The following KIRREL3 variants were observed in gnomAD, a reference collection of about 807,000 sequenced individuals.
The protein encoded by KIRREL3 is kirre like nephrin family adhesion molecule 3.
Under a neutral mutation model 89.7 loss-of-function variants are expected in KIRREL3, and 36 were observed. The ratio of observed to expected loss-of-function variants is 0.40; its 90% CI spans 0.31 to 0.53. The LOEUF (loss-of-function observed/expected upper bound fraction) is 0.53. KIRREL3 is among the 20% of genes least tolerant of loss of function. The probability of loss-of-function intolerance (pLI) is 0.49; values close to 1 mark genes in which losing one functional copy is unlikely to be tolerated. For synonymous variants in KIRREL3, 445 were observed against 441.4 expected, an observed-to-expected ratio of 1.01 and a Z score of -0.10; for missense variants, 864 against 1,056.6, an observed-to-expected ratio of 0.82 and a Z score of 2.53.
intron 1 of KIRREL3, among the ~76,000 whole-genome samples, chr11:126,873,769 A>T (rs552061174): frequency 1.3e-5 from 2 of 152,198 alleles, no homozygotes; most frequent in Admixed American, 1.3e-4. Context: ...GAGCAACAGT[A>T]TCCCTCACTT....
At chr11:126,478,622 T>TGC (rs201339394) in intron 4 of KIRREL3, among the ~76,000 whole-genome samples, 3 of 149,278 alleles carry the variant, frequency 2.0e-5, no homozygotes, top group Non-Finnish European at 4.4e-5. Flanking sequence ...TATGTGTGTA[T>TGC]GTGTGTATGC....
At position 126,530,115 on chromosome 11, in the gene KIRREL3, T is replaced by C. The variant is rs1958897643; in HGVS notation, c.134-3428A>G. 6.6e-6 allele frequency among the ~76,000 whole-genome samples: 1 copy of C among 152,158 alleles called. No homozygotes were observed. The highest frequency in any genetic ancestry group is 2.1e-4 in the South Asian group (1 of 4,824). ...CTTTCTTTTCTTTTGAGACTGAGTCTCACTCTGTCGCCCAGGCTGGAGTTC... is the reference window on the plus strand; with the variant it reads ...CTTTCTTTTCTTTTGAGACTGAGTCCCACTCTGTCGCCCAGGCTGGAGTTC... On this transcript the variant is annotated intron_variant, in intron 2 of 16. Coordinates refer to ENST00000525144, the MANE Select transcript of KIRREL3 (RefSeq NM_032531.4). This position sits in a 1 kb window ranked among gnomAD's most constrained non-coding sequence, Gnocchi z 5.8.
intron 6 of KIRREL3, among the ~76,000 whole-genome samples, chr11:126,457,901 C>T (rs1956425069): frequency 6.6e-6 from 1 of 152,148 alleles, no homozygotes; most frequent in Admixed American, 6.5e-5. Context: ...AGCAGAGAGA[C>T]AGAGAGGTGG....
Position 126,829,889 on chromosome 11 carries a change from G to T in KIRREL3, c.55+170566C>A, listed in dbSNP as rs1409729457. ...GTAGAGGGAGGTTTTCAGAAGACTGGATTTGCCAAGAAAGGCTGTTGGGAG... is the reference window on the plus strand; with the variant it reads ...GTAGAGGGAGGTTTTCAGAAGACTGTATTTGCCAAGAAAGGCTGTTGGGAG... On this transcript the variant is annotated intron_variant, in intron 1 of 16. Transcript: ENST00000525144. 2.0e-5 allele frequency among the ~76,000 whole-genome samples: 3 copies of T among 152,194 alleles called. No individual in the cohort carries two copies. The East Asian group carries it at 5.8e-4, about 29-fold the overall frequency.
At chr11:126,442,336 ACACACACACACACACAC>A (rs1955608445) in intron 10 of KIRREL3, among the ~76,000 whole-genome samples, 4 of 118,372 alleles carry the variant, frequency 3.4e-5, no homozygotes, top group Non-Finnish European at 5.4e-5. Flanking sequence ...ACACACACAC[ACACACACACACACACAC>A]AAAACCTTTT....
chr11:126,800,053 G>A (rs570791272), intron 1 of KIRREL3, among the ~76,000 whole-genome samples: 1 of 152,310 alleles, frequency 6.6e-6, no homozygotes, highest in Non-Finnish European at 1.5e-5. Flanking sequence ...AACCAAAGTT[G>A]AGGACCATTC....
intron 1 of KIRREL3, among the ~76,000 whole-genome samples, chr11:126,862,007 C>T (rs900046658): frequency 6.6e-6 from 1 of 152,256 alleles, no homozygotes; most frequent in Non-Finnish European, 1.5e-5. Flanking sequence ...AGGACCTCTC[C>T]AGCTCTGCCC....
chr11:126,550,027 T>G lies in KIRREL3; in HGVS notation c.133+12808A>C, dbSNP rs530527065. The G allele has an allele frequency of 6.6e-6, 1 of 152,350 alleles. No individual in the cohort carries two copies. Among genetic ancestry groups the G allele is most frequent in the East Asian group, 1.9e-4 (1 of 5,188 alleles). The allele number at this position is 152,350 out of a possible 1,614,324, so 9.4% of individuals were successfully genotyped here. On this transcript the variant is annotated intron_variant, in intron 2 of 16. Coordinates refer to ENST00000525144, the MANE Select transcript of KIRREL3 (RefSeq NM_032531.4). The surrounding 1 kb of genome is among the most constrained non-coding windows in gnomAD (Gnocchi z 4.9). ...CTCCTTCTCTGTTTCCAATAGCTAC[T>G]TATTCATACCCGGTTACCGCAACTG...
chr11:126,691,679 G>C (rs1194686650), intron 1 of KIRREL3, among the ~76,000 whole-genome samples: 1 of 152,184 alleles, frequency 6.6e-6, no homozygotes, highest in African/African-American at 2.4e-5. Flanking sequence ...TAAGATTCGA[G>C]AAAGTGCTTA....
intron 1 of KIRREL3, among the ~76,000 whole-genome samples, chr11:126,930,341 A>C (rs1281459487): frequency 6.6e-6 from 1 of 151,954 alleles, no homozygotes; most frequent in Non-Finnish European, 1.5e-5. Context: ...CCTCTCTCCC[A>C]CCATTCTTTG....
intron 1 of KIRREL3, among the ~76,000 whole-genome samples, chr11:126,804,731 G>T (rs1237451195): frequency 6.6e-6 from 1 of 152,106 alleles, no homozygotes; most frequent in African/African-American, 2.4e-5. Flanking sequence ...GTGTTCGTAG[G>T]CTGAAAGTAA....
intron 1 of KIRREL3, among the ~76,000 whole-genome samples, chr11:126,741,871 G>T (rs1948997951): frequency 6.6e-6 from 1 of 152,244 alleles, no homozygotes; most frequent in African/African-American, 2.4e-5. Context: ...GCCTAGGAAA[G>T]TTCAATGGCT....
rs1957461116 is a variant in KIRREL3 at position 126,489,840 on chromosome 11, G to A, written c.434-16374C>T. ...CATGGAAAGTGTGTTGTTCATGGCG[G>A]ATCCTCTATCAAAAAACAGGATGGT... On this transcript the variant is annotated intron_variant, in intron 4 of 16. Coordinates refer to ENST00000525144, the MANE Select transcript of KIRREL3 (RefSeq NM_032531.4). This position sits in a 1 kb window ranked among gnomAD's most constrained non-coding sequence, Gnocchi z 5.5. 1.3e-5 allele frequency among the ~76,000 whole-genome samples: 2 copies of A among 152,158 alleles called. No individual in the cohort carries two copies. The highest frequency in any genetic ancestry group is 2.4e-5 in the African/African-American group (1 of 41,432).
At chr11:126,649,258 A>T (rs1591876102) in intron 1 of KIRREL3, among the ~76,000 whole-genome samples, 1 of 152,170 alleles carries the variant, frequency 6.6e-6, no homozygotes, top group East Asian at 1.9e-4. Flanking sequence ...AAACCATATC[A>T]TTCTGCTCCT....
intron 1 of KIRREL3, among the ~76,000 whole-genome samples, chr11:126,660,405 A>G (rs1318168898): frequency 6.6e-6 from 1 of 152,242 alleles, no homozygotes; most frequent in Non-Finnish European, 1.5e-5. Context: ...GTTCACACTG[A>G]CGTGCATTGC....
intron 1 of KIRREL3, among the ~76,000 whole-genome samples, chr11:126,907,145 T>C (rs866476182): frequency 3.3e-5 from 5 of 152,154 alleles, no homozygotes; most frequent in African/African-American, 1.2e-4. Flanking sequence ...GGTTAAGATA[T>C]GAAACTACCT....
Position 126,709,195 on chromosome 11 carries a change from G to C in KIRREL3, c.56-146283C>G, listed in dbSNP as rs1164094844. Among the ~76,000 whole-genome samples the C allele has an allele frequency of 6.6e-6, 1 of 152,206 alleles. No individual in the cohort carries two copies. Among genetic ancestry groups the C allele is most frequent in the Non-Finnish European group, 1.5e-5 (1 of 68,036 alleles). On this transcript the variant is annotated intron_variant, in intron 1 of 16. Transcript: ENST00000525144. This position sits in a 1 kb window ranked among gnomAD's most constrained non-coding sequence, Gnocchi z 4.0. Reference sequence around the variant, plus strand: ...TGTTTGATTATCCTTAAGCAAAAAGGTCAAGAAATTATTAGATCAATTTCA... The same window carrying C: ...TGTTTGATTATCCTTAAGCAAAAAGCTCAAGAAATTATTAGATCAATTTCA...
chr11:126,701,865 G>A (rs142531512), intron 1 of KIRREL3, among the ~76,000 whole-genome samples: 4 of 152,298 alleles, frequency 2.6e-5, no homozygotes, highest in Non-Finnish European at 5.9e-5. Flanking sequence ...GAGGTGCCAT[G>A]AAAGATTTTT....
In KIRREL3 at chr11:126,462,776, C is replaced by T. The variant is rs377229665; in HGVS notation, c.742+381G>A. Among the ~76,000 whole-genome samples the T allele has an allele frequency of 5.9e-5, 9 of 152,184 alleles. No homozygotes were observed. Among genetic ancestry groups the T allele is most frequent in the Admixed American group, 3.3e-4 (5 of 15,280 alleles). ...CTGGTGCACCCTCTCCAGAGCACAGCGCTGCTTGCCAATTCTGAAGCCTGG... is the reference window on the plus strand; with the variant it reads ...CTGGTGCACCCTCTCCAGAGCACAGTGCTGCTTGCCAATTCTGAAGCCTGG... On this transcript the variant is annotated intron_variant, in intron 6 of 16. Transcript: ENST00000525144. The surrounding 1 kb of genome is among the most constrained non-coding windows in gnomAD (Gnocchi z 4.8).
Sources: allele counts gnomAD v4.1 joint callset (sites outside exome capture counted in the v4.1 genomes callset), GRCh38; gene constraint gnomAD v4.1.1; non-coding constraint Gnocchi (gnomAD v3.1); transcripts MANE v1.5; gene names NCBI Gene and HGNC (gene_info 2026-07-23, HGNC 2026-07-21).